Variants in ALMS1 observed in about 807,000 individuals in gnomAD.
ALMS1 encodes ALMS1 centrosome and basal body associated protein.
A neutral mutation model predicts 352.2 loss-of-function variants in ALMS1; 271 were observed. The observed-to-expected ratio is 0.77, with a 90% confidence interval of 0.70 to 0.85. The LOEUF is 0.85. Among genes scored for constraint, ALMS1 ranks in the 40% least tolerant of loss-of-function variants. The pLI is 0.00. For missense variants in ALMS1, 5,445 were observed against 4,870.7 expected (o/e 1.12, Z -3.51); for synonymous variants, 1,865 against 1,761.2 (o/e 1.06, Z -1.48).
At chr2:73,495,915 AAAAC>A (rs1673096474) in intron 10 of ALMS1, among the ~76,000 whole-genome samples, 1 of 152,206 alleles carries the variant, frequency 6.6e-6, no homozygotes, top group South Asian at 2.1e-4. Flanking sequence ...ACCCACATGA[AAAAC>A]AAATTCTGCA....
At chr2:73,465,813 A>T (rs926920227) in intron 9 of ALMS1, among the ~76,000 whole-genome samples, 5 of 152,222 alleles carry the variant, frequency 3.3e-5, no homozygotes, top group African/African-American at 1.2e-4. Flanking sequence ...CCCCATCAAA[A>T]AGTGGGTGAA....
chr2:73,538,347 T>C (rs1213738824), intron 12 of ALMS1, among the ~76,000 whole-genome samples: 1 of 152,036 alleles, frequency 6.6e-6, no homozygotes. Flanking sequence ...AACAAAACCA[T>C]AGTAAGATAC....
chr2:73,435,177 G>A (rs895428469), intron 7 of ALMS1, among the ~76,000 whole-genome samples: 1 of 152,090 alleles, frequency 6.6e-6, no homozygotes, highest in Non-Finnish European at 1.5e-5. Context: ...TAAATCTTGA[G>A]TTTTTAATTT....
Position 73,450,663 on chromosome 2 carries a change from C to T in ALMS1, c.4136C>T (p.Thr1379Ile), listed in dbSNP as rs999830347. 1.2e-6 allele frequency: 2 copies of T among 1,613,630 alleles called. No homozygotes were observed. Among genetic ancestry groups the T allele is most frequent in the Non-Finnish European group, 1.7e-6 (2 of 1,179,954 alleles). ...QTTGTPTVTS[T>I]SYSQHTEKPS... is the part of the protein sequence containing the mutation. ...ACTGGCACACCAACTGTAACCTCTACTTCTTACTCACAACATACAGAGAAG... is the reference window on the plus strand; with the variant it reads ...ACTGGCACACCAACTGTAACCTCTATTTCTTACTCACAACATACAGAGAAG... Residue 1379 changes from threonine (T) to isoleucine (I), a missense_variant, in exon 8 of 23, where the codon ACT (threonine) becomes ATT (isoleucine). Coordinates refer to ENST00000613296, the MANE Select transcript of ALMS1 (RefSeq NM_001378454.1).
chr2:73,451,362 C>T lies in ALMS1; in HGVS notation c.4835C>T (p.Ala1612Val). ...GPTEKKTDIP[A>V]GPLGSSALGE... ...ACTGAAAAAAAGACTGACATACCAG[C>T]AGGACCTTTAGGTTCCAGTGCACTT... Residue 1612 changes from alanine (A) to valine (V), a missense_variant, in exon 8 of 23, where the codon GCA (alanine) becomes GTA (valine). Coordinates refer to ENST00000613296, the MANE Select transcript of ALMS1 (RefSeq NM_001378454.1). 14 of 1,614,044 alleles carry T rather than the reference C, an allele frequency of 8.7e-6. No individual in the cohort carries two copies. The highest frequency in any genetic ancestry group is 1.2e-5 in the Non-Finnish European group (14 of 1,179,984).
chr2:73,589,118 T>A (rs1675369593), intron 16 of ALMS1, among the ~76,000 whole-genome samples: 2 of 152,128 alleles, frequency 1.3e-5, no homozygotes, highest in Admixed American at 1.3e-4. Flanking sequence ...ATTTTTTCTT[T>A]TATATTTTTG....
In ALMS1 at chr2:73,548,099, A is replaced by C. The variant is rs546658834; in HGVS notation, c.9908-2168A>C. Among the ~76,000 whole-genome samples, 6 of 152,308 alleles carry C rather than the reference A, an allele frequency of 3.9e-5. No individual in the cohort carries two copies. The South Asian group carries it at 1.2e-3, about 32-fold the overall frequency. On this transcript the variant is annotated intron_variant, in intron 12 of 22. Transcript: ENST00000613296. Reference sequence around the variant, plus strand: ...AAATGTCTGCTTTGGACATGTTAAAAATGAGATTCCTATTATACATCCACA... The same window carrying C: ...AAATGTCTGCTTTGGACATGTTAAACATGAGATTCCTATTATACATCCACA...
At position 73,599,604 on chromosome 2, in the gene ALMS1, T is replaced by C. The variant is rs1314329036; in HGVS notation, c.11668+83T>C. 1.6e-5 allele frequency: 23 copies of C among 1,474,382 alleles called. No homozygotes were observed. The East Asian group carries it at 4.6e-4, about 29-fold the overall frequency. 91.3% of individuals were successfully genotyped at this position (1,474,382 alleles called of 1,614,324 possible). Reference sequence around the variant, plus strand: ...GTAAGATACTCAACCTCAATCATAATAAAGGACATGAAGATAAAACTATAT... The same window carrying C: ...GTAAGATACTCAACCTCAATCATAACAAAGGACATGAAGATAAAACTATAT... On this transcript the variant is annotated intron_variant, in intron 17 of 22. Coordinates refer to ENST00000613296, the MANE Select transcript of ALMS1 (RefSeq NM_001378454.1).
chr2:73,485,794 C>T (rs938931919), intron 9 of ALMS1, among the ~76,000 whole-genome samples: 10 of 152,126 alleles, frequency 6.6e-5, no homozygotes, highest in African/African-American at 1.7e-4. Context: ...TTTTTTAAGC[C>T]GGTTGGAAAA....
At chr2:73,454,117 T>C in intron 8 of ALMS1, 50 bp downstream of exon 8, 4 of 1,555,618 alleles carry the variant, frequency 2.6e-6, no homozygotes, top group Non-Finnish European at 3.5e-6. Context: ...ATAATGTGTT[T>C]AAAGTTAGAT....
intron 10 of ALMS1, among the ~76,000 whole-genome samples, chr2:73,493,618 A>G (rs1673038053): frequency 6.6e-6 from 1 of 151,922 alleles, no homozygotes; most frequent in Non-Finnish European, 1.5e-5. Context: ...GCTACTCAGG[A>G]GGCTAAGGCA....
chr2:73,464,391 A>C (rs1672280108), intron 9 of ALMS1, among the ~76,000 whole-genome samples: 1 of 152,252 alleles, frequency 6.6e-6, no homozygotes, highest in Admixed American at 6.5e-5. Flanking sequence ...GACAAAATTC[A>C]ACAACCCTTC....
At chr2:73,410,205 A>G (rs762018455) in intron 2 of ALMS1, among the ~76,000 whole-genome samples, 3 of 152,160 alleles carry the variant, frequency 2.0e-5, no homozygotes, top group Non-Finnish European at 2.9e-5. Context: ...CCTGGCCAAC[A>G]TAGTGAAACA....
At chr2:73,551,904 A>G (rs1042337680) in intron 13 of ALMS1, among the ~76,000 whole-genome samples, 2 of 152,164 alleles carry the variant, frequency 1.3e-5, no homozygotes, top group African/African-American at 2.4e-5. Flanking sequence ...GTGTATAACT[A>G]TTAGCTAAAT....
intron 1 of ALMS1, among the ~76,000 whole-genome samples, chr2:73,391,206 G>T (rs1328550165): frequency 6.6e-6 from 1 of 151,634 alleles, no homozygotes; most frequent in Non-Finnish European, 1.5e-5. Flanking sequence ...GAGAACACAG[G>T]CTGAACCTCT....
rs1240268008 is a variant in ALMS1 at position 73,557,243 on chromosome 2, A to G, written c.10102A>G (p.Thr3368Ala). 1.2e-6 allele frequency: 2 copies of G among 1,614,058 alleles called. No homozygotes were observed. Among genetic ancestry groups the G allele is most frequent in the African/African-American group, 2.7e-5 (2 of 74,924 alleles). ...NADASVQVLI[T>A]GDENLSDKKQ... ...AGATGCCTCAGTTCAAGTGCTAATC[A>G]CTGGGGATGAGAACCTCTCAGACAA... Residue 3368 changes from threonine to alanine, a missense_variant, in exon 14 of 23, where the codon ACT (threonine) becomes GCT (alanine). Thr to Ala is a moderately conservative substitution (Grantham distance 58). Coordinates refer to ENST00000613296, the MANE Select transcript of ALMS1 (RefSeq NM_001378454.1).
chr2:73,572,314 A>C lies in ALMS1; in HGVS notation c.10437A>C (p.Ser3479=). ...ATACTACCCGTTCTGTCTTCAGGTC[A>C]GCAAAGTTTTACATTCATCATCCCG... ...FENTTRSVFR[S]AKFYIHHPVH... The change falls in exon 16 of 23, where the codon TCA becomes TCC. Residue 3479 remains serine, a synonymous_variant. Transcript: ENST00000613296. 1.2e-6 allele frequency: 2 copies of C among 1,606,314 alleles called. No homozygotes were observed. Among genetic ancestry groups the C allele is most frequent in the South Asian group, 2.2e-5 (2 of 89,210 alleles).
At chr2:73,389,781 C>G (rs1400750680) in intron 1 of ALMS1, among the ~76,000 whole-genome samples, 1 of 152,078 alleles carries the variant, frequency 6.6e-6, no homozygotes, top group Non-Finnish European at 1.5e-5. Flanking sequence ...CCTCTGCCTC[C>G]TGGGTTCAAG....
chr2:73,530,302 A>G (rs1430281452), intron 11 of ALMS1, among the ~76,000 whole-genome samples: 1 of 152,204 alleles, frequency 6.6e-6, no homozygotes, highest in East Asian at 1.9e-4. Context: ...TCCCATTCCA[A>G]ACGGGAGAAG....
Sources: gnomAD v4.1 joint callset for allele counts (sites outside exome capture counted in the v4.1 genomes callset) on GRCh38, gnomAD v4.1.1 for gene constraint, MANE v1.5 for transcripts, NCBI Gene and HGNC (gene_info 2026-07-23, HGNC 2026-07-21) for gene names.